AOPEP: variants seen among roughly 807,000 people sequenced by gnomAD.
AOPEP encodes the protein aminopeptidase O (putative).
In AOPEP, 77 loss-of-function variants were observed where a neutral mutation model predicts 98.1. That is an observed-to-expected ratio of 0.78 (90% CI 0.65 to 0.95). The LOEUF (loss-of-function observed/expected upper bound fraction) is 0.95. AOPEP is among the 40% of genes least tolerant of loss of function. The pLI, the probability that AOPEP is intolerant of heterozygous loss-of-function variation, is 0.00. For missense variants in AOPEP, 1,024 were observed against 1,024.7 expected (o/e 1.00, Z 0.01); for synonymous variants, 346 against 365.3 (o/e 0.95, Z 0.60).
the AOPEP span, among the ~76,000 whole-genome samples, chr9:95,142,873 C>T: frequency 6.6e-6 from 1 of 152,106 alleles, no homozygotes; most frequent in Admixed American, 6.6e-5. Flanking sequence ...GGATTTTCTT[C>T]CTCCACACAA....
intron 13 of AOPEP, among the ~76,000 whole-genome samples, chr9:95,037,682 A>C (rs1293467183): frequency 6.6e-6 from 1 of 152,242 alleles, no homozygotes; most frequent in Non-Finnish European, 1.5e-5. Context: ...AACTGAAAAG[A>C]AAAACCCTGG....
At chr9:94,924,215 C>G (rs1044620407) in intron 6 of AOPEP, 40 bp downstream of exon 6, 2 of 1,305,514 alleles carry the variant, frequency 1.5e-6, no homozygotes, top group Non-Finnish European at 2.0e-6. Flanking sequence ...TACCCAGAGT[C>G]AAATTCCATT....
At chr9:94,902,417 C>T (rs765592441) in intron 5 of AOPEP, among the ~76,000 whole-genome samples, 3 of 152,136 alleles carry the variant, frequency 2.0e-5, no homozygotes, top group Non-Finnish European at 2.9e-5. Flanking sequence ...GTTTTAACAT[C>T]TCCCCCAATA....
intron 1 of AOPEP, among the ~76,000 whole-genome samples, chr9:94,741,377 A>T (rs1833052495): frequency 6.6e-6 from 1 of 151,712 alleles, no homozygotes; most frequent in African/African-American, 2.4e-5. Flanking sequence ...GGTTCACGCC[A>T]TTCTTCTGCT....
intron 5 of AOPEP, among the ~76,000 whole-genome samples, chr9:94,801,334 A>G (rs2133758902): frequency 6.6e-6 from 1 of 152,354 alleles, no homozygotes; most frequent in South Asian, 2.1e-4. Flanking sequence ...ATGACAGCAT[A>G]ATGCTAATGA....
At chr9:95,052,658 T>C (rs2066481155) in intron 13 of AOPEP, among the ~76,000 whole-genome samples, 1 of 152,198 alleles carries the variant, frequency 6.6e-6, no homozygotes, top group South Asian at 2.1e-4. Context: ...AAATTTGTAA[T>C]GAATAATCCT....
rs764745796 is a variant in AOPEP at position 94,978,876 on chromosome 9, TC to T, written c.1917-489del. 4.3e-4 allele frequency among the ~76,000 whole-genome samples: 65 copies of T among 152,160 alleles called. 1 individual carries two copies. In the Middle Eastern group the frequency reaches 0.017, roughly 40 times the overall value. On this transcript the variant is annotated intron_variant, in intron 10 of 16. Transcript: ENST00000375315. ...GGTTGAAAGGAGACAGTGGAAGTGGTCCTCATTCCTTGCACCTGAGCCTCTC... is the reference window on the plus strand; with the variant it reads ...GGTTGAAAGGAGACAGTGGAAGTGGTCTCATTCCTTGCACCTGAGCCTCTC...
chr9:95,117,171 G>A, the AOPEP span: 1 of 746,644 alleles, frequency 1.3e-6, no homozygotes, highest in South Asian at 1.5e-5. Context: ...CAGAATGTGG[G>A]ATCCTGGGGG....
At chr9:94,854,025 C>A (rs368244616) in intron 5 of AOPEP, among the ~76,000 whole-genome samples, 1 of 152,082 alleles carries the variant, frequency 6.6e-6, no homozygotes, top group South Asian at 2.1e-4. Flanking sequence ...AAACCCACAT[C>A]GTAAGAGAAG....
intron 1 of AOPEP, among the ~76,000 whole-genome samples, chr9:94,732,158 A>C (rs1252147815): frequency 6.6e-6 from 1 of 151,998 alleles, no homozygotes; most frequent in Non-Finnish European, 1.5e-5. Context: ...TTGGGAACTA[A>C]TTACAGTATA....
the AOPEP span, among the ~76,000 whole-genome samples, chr9:95,128,872 C>T: frequency 6.6e-6 from 1 of 152,016 alleles, no homozygotes; most frequent in East Asian, 1.9e-4. Flanking sequence ...CCTGCAGAAA[C>T]AGCAACGGCA....
intron 13 of AOPEP, among the ~76,000 whole-genome samples, chr9:95,048,507 G>T (rs1337973818): frequency 6.6e-6 from 1 of 152,104 alleles, no homozygotes; most frequent in Non-Finnish European, 1.5e-5. Context: ...ACTCACGGGC[G>T]CGGGACCTGG....
Position 95,063,708 on chromosome 9 carries a change from T to C in AOPEP, c.2232+2898T>C, listed in dbSNP as rs773781803. ...TCTTCCCTTCACTGTGTGGGGGAAATAGTGTTGATTGAAAGGAAGAGGACT... is the reference window on the plus strand; with the variant it reads ...TCTTCCCTTCACTGTGTGGGGGAAACAGTGTTGATTGAAAGGAAGAGGACT... On this transcript the variant is annotated intron_variant, in intron 14 of 16. Transcript: ENST00000375315. 2.6e-5 allele frequency among the ~76,000 whole-genome samples: 4 copies of C among 152,066 alleles called. No individual in the cohort carries two copies. In the South Asian group the frequency reaches 8.3e-4, roughly 32 times the overall value.
intron 13 of AOPEP, among the ~76,000 whole-genome samples, chr9:95,027,296 AAAAT>A (rs1298270165): frequency 1.3e-5 from 2 of 152,184 alleles, no homozygotes; most frequent in African/African-American, 2.4e-5. Context: ...ATAGAATAAT[AAAAT>A]AAATAAACTT....
At chr9:94,753,774 C>T (rs545068678) in intron 1 of AOPEP, among the ~76,000 whole-genome samples, 25 of 152,064 alleles carry the variant, frequency 1.6e-4, no homozygotes, top group African/African-American at 5.3e-4. Flanking sequence ...AAAGATGTGC[C>T]GGGAAAAAGC....
At chr9:95,080,232 C>T (rs542501262) in intron 14 of AOPEP, among the ~76,000 whole-genome samples, 1 of 152,348 alleles carries the variant, frequency 6.6e-6, no homozygotes, top group Admixed American at 6.5e-5. Context: ...TGGTTTCTTT[C>T]TTTAAAAAGT....
At chr9:94,805,476 T>G (rs1849059851) in intron 5 of AOPEP, among the ~76,000 whole-genome samples, 1 of 150,038 alleles carries the variant, frequency 6.7e-6, no homozygotes. Flanking sequence ...AAAGGTTTTT[T>G]GTTTTTTGTT....
intron 13 of AOPEP, among the ~76,000 whole-genome samples, chr9:95,029,829 C>T (rs2064144938): frequency 6.6e-6 from 1 of 152,126 alleles, no homozygotes; most frequent in Non-Finnish European, 1.5e-5. Context: ...GCCTCTCTTT[C>T]GTAGTGCTTG....
At chr9:94,838,692 A>C (rs1413296543) in intron 5 of AOPEP, among the ~76,000 whole-genome samples, 1 of 152,160 alleles carries the variant, frequency 6.6e-6, no homozygotes, top group Non-Finnish European at 1.5e-5. Flanking sequence ...TGACATCTTG[A>C]CCATGGTTAT....
Sources: allele counts gnomAD v4.1 joint callset (sites outside exome capture counted in the v4.1 genomes callset), GRCh38; gene constraint gnomAD v4.1.1; transcripts MANE v1.5; gene names NCBI Gene and HGNC (gene_info 2026-07-23, HGNC 2026-07-21).